MUC22: variants seen among roughly 807,000 people sequenced by gnomAD.
MUC22 encodes mucin-22.
A neutral mutation model predicts 40.3 loss-of-function variants in MUC22; 24 were observed. That is an observed-to-expected ratio of 0.60 (90% CI 0.43 to 0.84). The LOEUF is 0.84. Ranked by LOEUF, MUC22 falls within the 40% of genes least tolerant of loss-of-function variation. The pLI is 0.00. For synonymous variants in MUC22, 765 were observed against 844.5 expected, an observed-to-expected ratio of 0.91 and a Z score of 1.63; for missense variants, 1,926 against 2,130.7, an observed-to-expected ratio of 0.90 and a Z score of 1.89.
chr6:31,032,594 G>T lies in MUC22; in HGVS notation c.5055+13G>T, dbSNP rs1197104009. ...GAGTTTTTGTCTGGTGAGTACCCAG[G>T]GTGGGTTCATAGGGGAGCCTGGCAA... On this transcript the variant is annotated intron_variant, in intron 3 of 3. Transcript: ENST00000561890. This position sits in a 1 kb window ranked among gnomAD's most constrained non-coding sequence, Gnocchi z 4.1. 1 of 1,526,602 alleles carries T rather than the reference G, an allele frequency of 6.6e-7. No individual in the cohort carries two copies. Among genetic ancestry groups the T allele is most frequent in the Non-Finnish European group, 8.8e-7 (1 of 1,141,624 alleles). The allele number at this position is 1,526,602 out of a possible 1,614,324, so 94.6% of individuals were successfully genotyped here. A position where few individuals can be genotyped will look rare whatever the true frequency, so the allele number is the denominator to read the frequency against.
intron 1 of MUC22, among the ~76,000 whole-genome samples, chr6:31,023,922 A>G (rs1765071131): frequency 6.6e-6 from 1 of 152,202 alleles, no homozygotes; most frequent in African/African-American, 2.4e-5. Flanking sequence ...ACCAGCCTGG[A>G]TACACCTTCT....
chr6:31,033,653 A>G (rs1422757028), intron 3 of MUC22, among the ~76,000 whole-genome samples: 1 of 152,232 alleles, frequency 6.6e-6, no homozygotes, highest in Non-Finnish European at 1.5e-5. Context: ...CTGGCCCACA[A>G]GAGATTGTGC....
exon 2 of MUC22, chr6:31,026,204 C>T (rs986357816): frequency 1.3e-6 from 2 of 1,522,296 alleles, no homozygotes; most frequent in Non-Finnish European, 1.8e-6. Flanking sequence ...TCTGAGACCA[C>T]TGTGGCCCCC....
chr6:31,016,771 C>G (rs1463120668), intron 1 of MUC22, among the ~76,000 whole-genome samples: 1 of 152,226 alleles, frequency 6.6e-6, no homozygotes. Context: ...CCAGCTCCCT[C>G]AGCTTTCAGG....
chr6:31,026,046 C>T (rs1278208475), exon 2 of MUC22: 3 of 1,530,116 alleles, frequency 2.0e-6, no homozygotes, highest in African/African-American at 2.7e-5. Context: ...GCTCTGAGGC[C>T]ACTAAAGTCT....
At position 31,032,064 on chromosome 6, in the gene MUC22, C is replaced by T; in HGVS notation, c.4670-132C>T. The T allele has an allele frequency of 1.0e-6, 1 of 957,858 alleles. No individual in the cohort carries two copies. The highest frequency in any genetic ancestry group is 1.5e-6 in the Non-Finnish European group (1 of 663,572). The allele number at this position is 957,858 out of a possible 1,614,324, so 59.3% of individuals were successfully genotyped here. On this transcript the variant is annotated intron_variant, in intron 2 of 3. Coordinates refer to ENST00000561890, the Ensembl canonical transcript of MUC22. This position sits in a 1 kb window ranked among gnomAD's most constrained non-coding sequence, Gnocchi z 4.1. ...AGAATCGCTTTCTACCATCTCTCCT[C>T]CCCCACCACACCTCTCCTGAGCCAC...
chr6:31,022,050 T>C lies in MUC22; in HGVS notation c.71-3452T>C, dbSNP rs372373458. ...GCATGGGCTTAAGAGTTGCTAACAC[T>C]CACTGTGAAGGTTTGCAGCTTCACT... On this transcript the variant is annotated intron_variant, in intron 1 of 3. Transcript: ENST00000561890. Among the ~76,000 whole-genome samples, 33 of 151,190 alleles carry C rather than the reference T, an allele frequency of 2.2e-4. 1 individual carries two copies. In the East Asian group the frequency reaches 2.7e-3, roughly 13 times the overall value.
chr6:31,033,816 G>C (rs1303826777), intron 3 of MUC22, among the ~76,000 whole-genome samples: 2 of 152,208 alleles, frequency 1.3e-5, no homozygotes, highest in Admixed American at 6.5e-5. Flanking sequence ...CATACCACTG[G>C]TAAAAATGGA....
rs991062714 is a variant in MUC22, at chr6:31,027,610, A to G, written c.2179A>G (p.Thr727Ala). The change falls in exon 2 of 4, where the codon ACA (threonine) becomes GCA (alanine). Residue 727 changes from threonine to alanine, a missense_variant. By Grantham distance (58) the Thr-to-Ala change is moderately conservative. Transcript: ENST00000561890. ...CACTACCGCAGGCTCTGAGACCAAA[A>G]CAGCCTATACTACAGGCTCTGAGAC... 2.7e-5 allele frequency: 41 copies of G among 1,526,702 alleles called. 1 individual carries two copies. Among genetic ancestry groups the G allele is most frequent in the Non-Finnish European group, 3.5e-5 (40 of 1,142,824 alleles). 94.6% of individuals were successfully genotyped at this position (1,526,702 alleles called of 1,614,324 possible).
intron 1 of MUC22, among the ~76,000 whole-genome samples, chr6:31,021,197 G>A (rs1032866619): frequency 2.0e-5 from 3 of 152,396 alleles, no homozygotes; most frequent in South Asian, 2.1e-4. Flanking sequence ...AGTCTGGTGA[G>A]GACGTGGAGA....
chr6:31,031,905 T>G (rs1766092311), intron 2 of MUC22, among the ~76,000 whole-genome samples: 3 of 152,180 alleles, frequency 2.0e-5, no homozygotes, highest in Non-Finnish European at 4.4e-5. Context: ...GTCAAATAGA[T>G]CTTCCACTTC....
At position 31,034,667 on chromosome 6, in the gene MUC22, T is replaced by C. The variant is rs1412462421; in HGVS notation, c.5056-5T>C. 2.0e-6 allele frequency: 3 copies of C among 1,528,946 alleles called. No individual in the cohort carries two copies. Among genetic ancestry groups the C allele is most frequent in the Non-Finnish European group, 2.6e-6 (3 of 1,142,850 alleles). 94.7% of individuals were successfully genotyped at this position (1,528,946 alleles called of 1,614,324 possible). A position where few individuals can be genotyped will look rare whatever the true frequency, so the allele number is the denominator to read the frequency against. The stretch of plus-strand genomic sequence containing the variant: ...TTTATCAATGTATTTATTTTTTTCT[T>C]TTAGAGAAACCTTTTCTTCCCCCTG... On this transcript the variant is annotated splice_polypyrimidine_tract_variant and splice_region_variant and intron_variant, in intron 3 of 3. Coordinates refer to ENST00000561890, the Ensembl canonical transcript of MUC22.
intron 1 of MUC22, among the ~76,000 whole-genome samples, chr6:31,019,655 G>T (rs1764524823): frequency 6.6e-6 from 1 of 152,156 alleles, no homozygotes. Flanking sequence ...GGAGTTCGAG[G>T]GCAGCCTGGC....
upstream of MUC22, among the ~76,000 whole-genome samples, chr6:31,008,344 G>A (rs778449102): frequency 2.6e-4 from 39 of 152,160 alleles, no homozygotes; most frequent in Non-Finnish European, 4.3e-4. Context: ...GAACGAGAGG[G>A]AGCTCAGGAG....
chr6:31,035,334 G>A (rs1766379185), exon 4 of MUC22: 1 of 221,026 alleles, frequency 4.5e-6, no homozygotes, highest in African/African-American at 2.3e-5. Flanking sequence ...GTTTCCTCAT[G>A]GTGCTATAAA....
intron 1 of MUC22, among the ~76,000 whole-genome samples, chr6:31,020,162 A>G (rs960654718): frequency 4.6e-5 from 7 of 152,330 alleles, no homozygotes; most frequent in African/African-American, 1.7e-4. Context: ...ACCAAAGTAC[A>G]ACGTAATCAA....
exon 1 of MUC22, chr6:31,010,648 C>T (rs1021772681): frequency 7.3e-5 from 51 of 701,566 alleles, no homozygotes; most frequent in Non-Finnish European, 1.0e-4. Context: ...CCTCTTTGAC[C>T]TATCCTTCCT....
chr6:31,010,698 C>T, exon 1 of MUC22: 1 of 702,550 alleles, frequency 1.4e-6, no homozygotes, highest in Middle Eastern at 2.3e-4. Flanking sequence ...CTATGTGCAT[C>T]ATTTAGAGAT....
exon 2 of MUC22, chr6:31,028,909 A>G (rs1030517039): frequency 6.5e-7 from 1 of 1,528,964 alleles, no homozygotes; most frequent in Non-Finnish European, 8.7e-7. Context: ...CACAGCCTCT[A>G]CTGAAGGCTC....
Sources: allele counts gnomAD v4.1 joint callset (sites outside exome capture counted in the v4.1 genomes callset), GRCh38; gene constraint gnomAD v4.1.1; non-coding constraint Gnocchi (gnomAD v3.1); transcripts MANE v1.5; gene names NCBI Gene and HGNC (gene_info 2026-07-23, HGNC 2026-07-21).